The following ABCA13 variants were observed in gnomAD, a reference collection of about 807,000 sequenced individuals.
ABCA13 encodes the protein ATP binding cassette subfamily A member 13.
ABCA13 carries 476 observed loss-of-function variants against 478.7 expected under a neutral mutation model. That is an observed-to-expected ratio of 0.99 (90% CI 0.92 to 1.07). The LOEUF (loss-of-function observed/expected upper bound fraction) is 1.07, where lower values mean the gene tolerates loss of function less well. Ranked by LOEUF, ABCA13 falls within the 50% of genes least tolerant of loss-of-function variation. The pLI is 0.00. For synonymous variants in ABCA13, 2,252 were observed against 2,158.9 expected (o/e 1.04, Z -1.20); for missense variants, 6,060 against 5,910.6 (o/e 1.03, Z -0.83).
At position 48,278,404 on chromosome 7, in the gene ABCA13, A is replaced by T. The variant is rs1371941244; in HGVS notation, c.7210A>T (p.Lys2404Ter). Reference protein sequence around the residue: ...FHVNKSEDLFKLNQDLGSALH... With the variant: ...FHVNKSEDLF ...TGTGAATAAGTCTGAGGACCTCTTC[A>T]AACTCAATCAAGATCTTGGGTCAGC... Residue 2404 changes from lysine to a stop codon, truncating the protein, a stop_gained, in exon 18 of 62, where the codon AAA becomes TAA. Coordinates refer to ENST00000435803, the MANE Select transcript of ABCA13 (RefSeq NM_152701.5). LOFTEE classifies it high-confidence loss of function. The T allele has an allele frequency of 6.2e-7, 1 of 1,613,844 alleles. No individual in the cohort carries two copies. The highest frequency in any genetic ancestry group is 2.2e-5 in the East Asian group (1 of 44,872).
rs1006329708 is a variant in ABCA13 at position 48,273,522 on chromosome 7, G to T, written c.3856G>T (p.Glu1286Ter). 1 of 1,587,812 alleles carries T rather than the reference G, an allele frequency of 6.3e-7. No homozygotes were observed. Among genetic ancestry groups the T allele is most frequent in the Admixed American group, 1.8e-5 (1 of 55,536 alleles). ...TSREFLNSLL[E>*]VFIEFSSTSE... ...CAGAGAGTTTTTAAATTCTCTGCTT[G>T]AAGTTTTCATTGAGTTTAGCAGTAC... is the stretch of plus-strand genomic sequence containing the variant. Residue 1286 changes from glutamate to a stop codon, truncating the protein, a stop_gained, in exon 17 of 62, where the codon GAA becomes TAA. Transcript: ENST00000435803. LOFTEE classifies it high-confidence loss of function.
intron 55 of ABCA13, among the ~76,000 whole-genome samples, chr7:48,560,136 T>C (rs1786297600): frequency 6.6e-6 from 1 of 152,160 alleles, no homozygotes; most frequent in Non-Finnish European, 1.5e-5. Context: ...CAAGTTTACC[T>C]AGGACCCTAG....
At chr7:48,427,905 G>GTGTCATTGTTCCTCC in intron 42 of ABCA13, 34 bp downstream of exon 42, 5 of 1,401,028 alleles carry the variant, frequency 3.6e-6, no homozygotes, top group Non-Finnish European at 4.9e-6. Flanking sequence ...ATTTCTGCTG[G>GTGTCATTGTTCCTCC]AGGAACAATG....
intron 58 of ABCA13, among the ~76,000 whole-genome samples, chr7:48,609,076 T>C (rs1791763308): frequency 6.6e-6 from 1 of 152,184 alleles, no homozygotes; most frequent in Admixed American, 6.5e-5. Flanking sequence ...AAACGATCAT[T>C]TTGCTTTGCC....
intron 42 of ABCA13, among the ~76,000 whole-genome samples, chr7:48,432,214 T>C (rs1156924802): frequency 6.6e-6 from 1 of 152,006 alleles, no homozygotes; most frequent in Non-Finnish European, 1.5e-5. Context: ...AACAGGTATA[T>C]GAAAAAATAC....
intron 41 of ABCA13, among the ~76,000 whole-genome samples, chr7:48,425,576 A>G (rs1410453059): frequency 6.6e-6 from 1 of 152,146 alleles, no homozygotes; most frequent in Non-Finnish European, 1.5e-5. Context: ...TGAGAATTAC[A>G]TGATGAAACA....
chr7:48,414,277 C>T (rs899977827), intron 41 of ABCA13, among the ~76,000 whole-genome samples: 1 of 152,134 alleles, frequency 6.6e-6, no homozygotes, highest in Non-Finnish European at 1.5e-5. Context: ...CCCACCCGCC[C>T]TCACTGCACT....
chr7:48,251,295 G>A (rs1792515788), intron 15 of ABCA13, among the ~76,000 whole-genome samples: 1 of 152,190 alleles, frequency 6.6e-6, no homozygotes, highest in Non-Finnish European at 1.5e-5. Context: ...ATATGCAATA[G>A]TGGCAACAGG....
intron 8 of ABCA13, among the ~76,000 whole-genome samples, chr7:48,238,093 G>T (rs577764340): frequency 3.9e-5 from 6 of 152,154 alleles, no homozygotes; most frequent in African/African-American, 2.4e-5. Context: ...GTCAATTCAG[G>T]CTGTTATAAC....
chr7:48,201,570 A>G (rs1798726737), intron 3 of ABCA13, among the ~76,000 whole-genome samples: 1 of 152,106 alleles, frequency 6.6e-6, no homozygotes, highest in South Asian at 2.1e-4. Context: ...AAATCCAAAA[A>G]TTAGCTGGGC....
At chr7:48,583,935 T>G (rs1286267719) in intron 56 of ABCA13, among the ~76,000 whole-genome samples, 2 of 152,256 alleles carry the variant, frequency 1.3e-5, no homozygotes, top group Non-Finnish European at 1.5e-5. Flanking sequence ...ATCTTTCCTA[T>G]GGTTAACCAA....
At chr7:48,434,483 T>C (rs1402707983) in intron 42 of ABCA13, among the ~76,000 whole-genome samples, 1 of 151,874 alleles carries the variant, frequency 6.6e-6, no homozygotes, top group Admixed American at 6.6e-5. Context: ...TTAATTGTAG[T>C]TTTTCTTGTA....
At chr7:48,560,658 G>T (rs1416327042) in intron 55 of ABCA13, among the ~76,000 whole-genome samples, 10 of 152,120 alleles carry the variant, frequency 6.6e-5, no homozygotes, top group African/African-American at 2.2e-4. Flanking sequence ...AAATTAAGCT[G>T]ATTAGCATAC....
chr7:48,266,396 T>G (rs1172688100), intron 15 of ABCA13, among the ~76,000 whole-genome samples: 1 of 151,802 alleles, frequency 6.6e-6, no homozygotes, highest in Non-Finnish European at 1.5e-5. Context: ...CCATCTAGGC[T>G]TTTAGGGTTT....
chr7:48,617,817 C>A (rs867852653), intron 59 of ABCA13, among the ~76,000 whole-genome samples: 1 of 151,892 alleles, frequency 6.6e-6, no homozygotes, highest in Non-Finnish European at 1.5e-5. Flanking sequence ...TTCACTCGGA[C>A]AAAGCAGCCA....
At chr7:48,308,754 A>ATTTTTACTGTACC (rs1052920274) in intron 23 of ABCA13, among the ~76,000 whole-genome samples, 1 of 151,680 alleles carries the variant, frequency 6.6e-6, no homozygotes, top group African/African-American at 2.4e-5. Flanking sequence ...ATACTACTGT[A>ATTTTTACTGTACC]TTTTTACTGT....
chr7:48,440,782 G>A (rs892484462), intron 42 of ABCA13, among the ~76,000 whole-genome samples: 9 of 151,684 alleles, frequency 5.9e-5, no homozygotes, highest in Non-Finnish European at 1.0e-4. Flanking sequence ...ATAATTTTAT[G>A]TTCTGAATTT....
chr7:48,508,061 G>T lies in ABCA13; in HGVS notation c.13524+12G>T. 3.7e-6 allele frequency: 6 copies of T among 1,613,774 alleles called. No homozygotes were observed. Among genetic ancestry groups the T allele is most frequent in the South Asian group, 1.1e-5 (1 of 91,052 alleles). On this transcript the variant is annotated intron_variant, in intron 50 of 61. Coordinates refer to ENST00000435803, the MANE Select transcript of ABCA13 (RefSeq NM_152701.5). ...TCCTATATGACATGGTAGGATTTGG[G>T]AATGAGATTCTGTGTGCCTCCACAA...
In ABCA13 at chr7:48,643,353, C is replaced by T; in HGVS notation, c.14903C>T (p.Ser4968Phe). The change falls in exon 60 of 62, where the codon TCT becomes TTT. Residue 4968 changes from serine to phenylalanine, a missense_variant. This residue lies in a region of ABCA13 where 1,627 missense variants were observed against 1,571.0 expected (regional missense o/e 1.04). Transcript: ENST00000435803. ...CKEANQHCTV[S>F]DHLKLYFPGI... ...GAAGCAAATCAACATTGCACTGTTT[C>T]TGACCACTTGAAGCTTTATTTTCCA... is the stretch of plus-strand genomic sequence containing the variant. 6.2e-7 allele frequency: 1 copy of T among 1,613,702 alleles called. No homozygotes were observed.
Sources: gnomAD v4.1 joint callset for allele counts (sites outside exome capture counted in the v4.1 genomes callset) on GRCh38, gnomAD v4.1.1 for gene constraint, gnomAD v4.1.1 regional missense constraint, MANE v1.5 for transcripts, NCBI Gene and HGNC (gene_info 2026-07-23, HGNC 2026-07-21) for gene names.